SPECC1: variants seen among roughly 807,000 people sequenced by gnomAD.
The protein encoded by SPECC1 is cytospin-B.
SPECC1 carries 62 observed loss-of-function variants against 104.1 expected under a neutral mutation model. That is an observed-to-expected ratio of 0.60 (90% CI 0.49 to 0.74). The LOEUF (loss-of-function observed/expected upper bound fraction) is 0.74. Ranked by LOEUF, SPECC1 falls within the 30% of genes least tolerant of loss-of-function variation. The pLI is 0.00. For missense variants in SPECC1, 1,306 were observed against 1,310.5 expected (o/e 1.00, Z 0.05); for synonymous variants, 513 against 501.6 (o/e 1.02, Z -0.30).
At chr17:20,017,442 CA>C (rs2044187065) in intron 1 of SPECC1, 1 of 153,690 alleles carries the variant, frequency 6.5e-6, no homozygotes, top group Admixed American at 6.5e-5. Context: ...CGAACACATC[CA>C]AACATCAGAA....
intron 1 of SPECC1, chr17:20,067,085 A>T (rs891733011): frequency 6.6e-6 from 1 of 152,036 alleles, no homozygotes; most frequent in East Asian, 1.9e-4. Flanking sequence ...AAACTGTTAC[A>T]TGTTCATAGT....
rs1408092297 is a variant in SPECC1 at position 20,237,532 on chromosome 17, C to T, written c.2351+5127C>T. 1.1e-4 allele frequency: 21 copies of T among 193,548 alleles called. No homozygotes were observed. In the East Asian group the frequency reaches 1.7e-3, roughly 16 times the overall value. 12.0% of individuals were successfully genotyped at this position (193,548 alleles called of 1,614,324 possible). A position where few individuals can be genotyped will look rare whatever the true frequency, so the allele number is the denominator to read the frequency against. ...GTTTCACCGTGTTGGCCAGGCTGCT[C>T]TTGAACTCCTGACCTCAGGTGATCC... On this transcript the variant is annotated intron_variant, in intron 7 of 14. Coordinates refer to ENST00000395527, the MANE Select transcript of SPECC1 (RefSeq NM_001243439.2).
intron 3 of SPECC1, among the ~76,000 whole-genome samples, chr17:20,156,733 CCT>C: frequency 6.6e-6 from 1 of 152,280 alleles, no homozygotes; most frequent in East Asian, 1.9e-4. Flanking sequence ...GTCGGGCGCG[CCT>C]CTGGTTATCC....
chr17:20,190,221 T>G (rs748250484), intron 3 of SPECC1, among the ~76,000 whole-genome samples: 1 of 152,252 alleles, frequency 6.6e-6, no homozygotes, highest in Non-Finnish European at 1.5e-5. Flanking sequence ...TCATTTGTTC[T>G]AAGTCCAAAG....
At chr17:20,041,165 C>A (rs921468155) in intron 1 of SPECC1, among the ~76,000 whole-genome samples, 2 of 151,994 alleles carry the variant, frequency 1.3e-5, no homozygotes, top group Admixed American at 6.6e-5. Context: ...TTTGTCTGCC[C>A]CCTCCATTCT....
intron 3 of SPECC1, among the ~76,000 whole-genome samples, chr17:20,140,833 A>G (rs2030689344): frequency 6.6e-6 from 1 of 152,264 alleles, no homozygotes; most frequent in Admixed American, 6.5e-5. Flanking sequence ...CACAGCTGTC[A>G]TGAGATCACT....
intron 11 of SPECC1, 105 bp downstream of exon 11, chr17:20,257,712 C>T (rs1014218837): frequency 7.0e-7 from 1 of 1,430,768 alleles, no homozygotes; most frequent in South Asian, 1.3e-5. Context: ...ACAAATATTT[C>T]CTGCATGAAA....
chr17:20,198,877 C>T (rs2036214179), intron 3 of SPECC1, among the ~76,000 whole-genome samples: 1 of 152,164 alleles, frequency 6.6e-6, no homozygotes, highest in Non-Finnish European at 1.5e-5. Flanking sequence ...CCTCAAATAA[C>T]TTCCTTAGAA....
intron 13 of SPECC1, among the ~76,000 whole-genome samples, chr17:20,303,423 A>G (rs1446383752): frequency 6.6e-6 from 1 of 152,214 alleles, no homozygotes; most frequent in Admixed American, 6.5e-5. Context: ...CCACAGATCA[A>G]CAGCTTTCCA....
rs534697467 is a variant in SPECC1, at chr17:20,148,910, G to A, written c.283+38348G>A. On this transcript the variant is annotated intron_variant, in intron 3 of 14. Transcript: ENST00000395527. ...ATTGTTTTGTATTTTTAGTAGAGACGGGGTTTCACCATGTTGGCCAGGCTG... is the reference window on the plus strand; with the variant it reads ...ATTGTTTTGTATTTTTAGTAGAGACAGGGTTTCACCATGTTGGCCAGGCTG... Among the ~76,000 whole-genome samples, 7 of 152,078 alleles carry A rather than the reference G, an allele frequency of 4.6e-5. No homozygotes were observed. The South Asian group carries it at 6.2e-4, about 14-fold the overall frequency.
intron 1 of SPECC1, among the ~76,000 whole-genome samples, chr17:20,033,697 A>C (rs941550445): frequency 4.6e-5 from 7 of 152,194 alleles, no homozygotes; most frequent in African/African-American, 1.7e-4. Context: ...TCCTGCAAGA[A>C]TGGCACCAAA....
At chr17:20,124,883 C>T (rs2049209753) in intron 3 of SPECC1, among the ~76,000 whole-genome samples, 1 of 152,006 alleles carries the variant, frequency 6.6e-6, no homozygotes, top group Non-Finnish European at 1.5e-5. Flanking sequence ...TGATTTTTGC[C>T]ATTTTAAAAA....
Position 20,227,638 on chromosome 17 carries a change from G to C in SPECC1, c.2071+18G>C, listed in dbSNP as rs752217713. The C allele has an allele frequency of 1.2e-6, 2 of 1,608,716 alleles. No individual in the cohort carries two copies. Among genetic ancestry groups the C allele is most frequent in the South Asian group, 1.1e-5 (1 of 90,552 alleles). On this transcript the variant is annotated intron_variant, in intron 5 of 14. Coordinates refer to ENST00000395527, the MANE Select transcript of SPECC1 (RefSeq NM_001243439.2). Reference sequence around the variant, plus strand: ...GCTAGAAAGTAAGTGGGGTCTGCCAGGCATGGTGGCTCACACCTATAATCC... The same window carrying C: ...GCTAGAAAGTAAGTGGGGTCTGCCACGCATGGTGGCTCACACCTATAATCC...
intron 3 of SPECC1, among the ~76,000 whole-genome samples, chr17:20,116,586 G>A (rs7213816): frequency 0.25 from 37,828 of 152,026 alleles, 5,912 homozygotes; most frequent in African/African-American, 0.45. Flanking sequence ...TTCTTAGGAA[G>A]ATTAAATAGA....
chr17:20,124,643 T>A (rs1367517304), intron 3 of SPECC1, among the ~76,000 whole-genome samples: 2 of 152,192 alleles, frequency 1.3e-5, no homozygotes, highest in Non-Finnish European at 2.9e-5. Context: ...ACTTCATCGG[T>A]TACTTCCAGA....
intron 10 of SPECC1, among the ~76,000 whole-genome samples, chr17:20,256,986 A>G (rs2039857016): frequency 6.6e-6 from 1 of 152,240 alleles, no homozygotes; most frequent in African/African-American, 2.4e-5. Context: ...GCCAGGCCCT[A>G]TGGCTAGAAT....
intron 1 of SPECC1, among the ~76,000 whole-genome samples, chr17:20,024,005 T>C (rs150493541): frequency 1.3e-5 from 2 of 152,050 alleles, no homozygotes; most frequent in East Asian, 1.9e-4. Flanking sequence ...CAAAAGGAGG[T>C]CAGCAGAATA....
At chr17:20,254,227 TCAGCAGTCC>T (rs1281816544) in intron 10 of SPECC1, among the ~76,000 whole-genome samples, 2 of 150,784 alleles carry the variant, frequency 1.3e-5, no homozygotes, top group African/African-American at 4.9e-5. Context: ...GAGGTTGCAT[TCAGCAGTCC>T]CAGCAGTCCC....
intron 3 of SPECC1, among the ~76,000 whole-genome samples, chr17:20,168,603 T>TA (rs1484263460): frequency 2.6e-5 from 4 of 152,212 alleles, no homozygotes; most frequent in South Asian, 2.1e-4. Flanking sequence ...AGTAAGATTT[T>TA]AAAAAAATGG....
Sources: allele counts gnomAD v4.1 joint callset (sites outside exome capture counted in the v4.1 genomes callset), GRCh38; gene constraint gnomAD v4.1.1; transcripts MANE v1.5; gene names NCBI Gene and HGNC (gene_info 2026-07-23, HGNC 2026-07-21).